ANKRD44: variants seen among roughly 807,000 people sequenced by gnomAD.
ANKRD44 encodes ankyrin repeat domain 44, also known as serine/threonine-protein phosphatase 6 regulatory ankyrin repeat subunit B.
A neutral mutation model predicts 116.0 loss-of-function variants in ANKRD44; 35 were observed. The ratio of observed to expected loss-of-function variants is 0.30; its 90% confidence interval spans 0.23 to 0.40. The LOEUF (loss-of-function observed/expected upper bound fraction) is 0.40, where lower values mean the gene tolerates loss of function less well. ANKRD44 is among the 10% of genes least tolerant of loss of function. ANKRD44 has a pLI of 1.00. For synonymous variants in ANKRD44, 435 were observed against 461.8 expected (o/e 0.94, Z 0.74); for missense variants, 1,014 against 1,242.6 (o/e 0.82, Z 2.77).
intron 16 of ANKRD44, among the ~76,000 whole-genome samples, chr2:197,040,294 T>G (rs1574331595): frequency 6.6e-6 from 1 of 151,954 alleles, no homozygotes; most frequent in East Asian, 1.9e-4. Context: ...AAATTAATTT[T>G]TTTAGTATAA....
chr2:197,256,100 C>T (rs2082439924), intron 1 of ANKRD44, among the ~76,000 whole-genome samples: 1 of 152,174 alleles, frequency 6.6e-6, no homozygotes, highest in African/African-American at 2.4e-5. Flanking sequence ...GTAATTTGAG[C>T]CTCTTTTCAA....
intron 1 of ANKRD44, among the ~76,000 whole-genome samples, chr2:197,273,776 T>C (rs769306627): frequency 6.6e-6 from 1 of 151,840 alleles, no homozygotes; most frequent in Non-Finnish European, 1.5e-5. Context: ...AAATCAAATG[T>C]CCTTGTCTAT....
At position 196,987,437 on chromosome 2, in the gene ANKRD44, A is replaced by G. The variant is rs2075850518; in HGVS notation, c.*2154T>C. 1.0e-6 allele frequency: 1 copy of G among 985,424 alleles called. No individual in the cohort carries two copies. The highest frequency in any genetic ancestry group is 1.2e-6 in the Non-Finnish European group (1 of 829,894). The allele number at this position is 985,424 out of a possible 1,614,324, so 61.0% of individuals were successfully genotyped here. A position where few individuals can be genotyped will look rare whatever the true frequency, so the allele number is the denominator to read the frequency against. On this transcript the variant is annotated 3_prime_UTR_variant, in exon 28 of 28. Coordinates refer to ENST00000282272, the MANE Select transcript of ANKRD44 (RefSeq NM_001195144.2). ...AAATATAAAAAGGCACTCTAACTTC[A>G]TATTACAAGACAATAAAACGGATGA...
rs2125668748 is a variant in ANKRD44 at position 197,203,005 on chromosome 2, C to CA, written c.28-15900dup. ...TAAGCCTGAGGTAGTGTTAGGGATG[C>CA]AAATCCTAGCACAAGCGCTTGCAAA... On this transcript the variant is annotated intron_variant, in intron 1 of 27. Coordinates refer to ENST00000282272, the MANE Select transcript of ANKRD44 (RefSeq NM_001195144.2). This position sits in a 1 kb window ranked among gnomAD's most constrained non-coding sequence, Gnocchi z 4.1. Among the ~76,000 whole-genome samples the CA allele has an allele frequency of 6.6e-6, 1 of 152,082 alleles. No homozygotes were observed. Among genetic ancestry groups the CA allele is most frequent in the Non-Finnish European group, 1.5e-5 (1 of 68,028 alleles).
intron 16 of ANKRD44, among the ~76,000 whole-genome samples, chr2:197,052,736 C>T (rs191994632): frequency 1.3e-5 from 2 of 152,306 alleles, no homozygotes; most frequent in East Asian, 1.9e-4. Context: ...GGCCTCAATT[C>T]GTCTCTTTTA....
intron 8 of ANKRD44, among the ~76,000 whole-genome samples, chr2:197,116,365 G>A (rs944635132): frequency 6.6e-6 from 1 of 152,164 alleles, no homozygotes; most frequent in African/African-American, 2.4e-5. Context: ...GGATTCACAG[G>A]ATGTCCTTCA....
At position 196,988,559 on chromosome 2, in the gene ANKRD44, A is replaced by G. The variant is rs1358628992; in HGVS notation, c.*1032T>C. 1.0e-6 allele frequency: 1 copy of G among 984,402 alleles called. No homozygotes were observed. The highest frequency in any genetic ancestry group is 1.7e-5 in the African/African-American group (1 of 57,232). 61.0% of individuals were successfully genotyped at this position (984,402 alleles called of 1,614,324 possible). ...TAATTAAATCCAGGATATTAAGAGT[A>G]AGATTAAAGTTTTATAGCTAGATGA... On this transcript the variant is annotated 3_prime_UTR_variant, in exon 28 of 28. Coordinates refer to ENST00000282272, the MANE Select transcript of ANKRD44 (RefSeq NM_001195144.2).
chr2:197,035,775 C>G (rs1051811969), intron 16 of ANKRD44, among the ~76,000 whole-genome samples: 2 of 149,524 alleles, frequency 1.3e-5, no homozygotes, highest in African/African-American at 4.9e-5. Flanking sequence ...AAGCTATGAC[C>G]TGGCCTCGGC....
chr2:197,246,350 CTTTTTTTT>C (rs67655796), intron 1 of ANKRD44, among the ~76,000 whole-genome samples: 15 of 65,870 alleles, frequency 2.3e-4, no homozygotes, highest in Admixed American at 1.3e-3. Flanking sequence ...CTACATCTGG[CTTTTTTTT>C]TTTTTTTTTT....
chr2:197,304,760 C>T (rs1004002032), intron 1 of ANKRD44, among the ~76,000 whole-genome samples: 1 of 152,226 alleles, frequency 6.6e-6, no homozygotes, highest in African/African-American at 2.4e-5. Flanking sequence ...CACACTTTCT[C>T]GGATCCTTGA....
chr2:197,002,936 C>T (rs958142997), intron 21 of ANKRD44, among the ~76,000 whole-genome samples: 1 of 152,102 alleles, frequency 6.6e-6, no homozygotes, highest in Non-Finnish European at 1.5e-5. Flanking sequence ...ACAAATCAAA[C>T]TTTTCTTATA....
intron 8 of ANKRD44, among the ~76,000 whole-genome samples, chr2:197,115,933 G>T (rs751080472): frequency 1.3e-5 from 2 of 152,104 alleles, no homozygotes; most frequent in East Asian, 3.8e-4. Flanking sequence ...GGCTAGATTT[G>T]ATTCAAAATC....
chr2:197,144,361 T>C (rs1192301397), intron 3 of ANKRD44, among the ~76,000 whole-genome samples: 2 of 152,218 alleles, frequency 1.3e-5, no homozygotes, highest in East Asian at 3.8e-4. Context: ...TCATTCATTA[T>C]TAAATTAGGA....
At chr2:197,113,413 T>C (rs538003615) in intron 8 of ANKRD44, among the ~76,000 whole-genome samples, 18 of 152,366 alleles carry the variant, frequency 1.2e-4, no homozygotes, top group African/African-American at 4.1e-4. Context: ...TAGGTGGTGC[T>C]ATTTCTTTAA....
chr2:197,127,329 A>G (rs1273323990), intron 4 of ANKRD44, among the ~76,000 whole-genome samples: 2 of 152,228 alleles, frequency 1.3e-5, no homozygotes, highest in Non-Finnish European at 2.9e-5. Context: ...CTTAATACAT[A>G]TAATAGAAAT....
chr2:197,285,252 C>T (rs970276240), intron 1 of ANKRD44, among the ~76,000 whole-genome samples: 1 of 152,086 alleles, frequency 6.6e-6, no homozygotes, highest in Admixed American at 6.6e-5. Flanking sequence ...CCAGCCCCAA[C>T]CCACTGCAGG....
intron 27 of ANKRD44, chr2:196,990,360 A>G: frequency 9.8e-7 from 1 of 1,020,656 alleles, no homozygotes; most frequent in Non-Finnish European, 1.2e-6. Context: ...AATTATTCAT[A>G]GCGAACAGCT....
At chr2:197,014,391 CT>C (rs1380518724) in intron 17 of ANKRD44, among the ~76,000 whole-genome samples, 1 of 152,162 alleles carries the variant, frequency 6.6e-6, no homozygotes, top group Non-Finnish European at 1.5e-5. Flanking sequence ...ATTTCTTCCC[CT>C]GATTACAATG....
chr2:197,308,785 T>C (rs1312541752), intron 1 of ANKRD44, among the ~76,000 whole-genome samples: 2 of 152,224 alleles, frequency 1.3e-5, no homozygotes, highest in Admixed American at 6.5e-5. Flanking sequence ...CACTTCTCAC[T>C]AGGGTTGATC....
Sources: allele counts gnomAD v4.1 joint callset (sites outside exome capture counted in the v4.1 genomes callset), GRCh38; gene constraint gnomAD v4.1.1; non-coding constraint Gnocchi (gnomAD v3.1); transcripts MANE v1.5; gene names NCBI Gene and HGNC (gene_info 2026-07-23, HGNC 2026-07-21).